Variants in LYRM4 observed in about 807,000 individuals in gnomAD.
The protein encoded by LYRM4 is LYR motif containing 4.
A neutral mutation model predicts 11.7 loss-of-function variants in LYRM4; 9 were observed. That is an observed-to-expected ratio of 0.77 (90% CI 0.46 to 1.34). The LOEUF is 1.34. LYRM4 is among the 40% of genes most tolerant of loss of function. The pLI, the probability that LYRM4 is intolerant of heterozygous loss-of-function variation, is 0.00. For missense variants in LYRM4, 133 were observed against 112.5 expected (o/e 1.18, Z -0.82); for synonymous variants, 42 against 40.4 (o/e 1.04, Z -0.15).
At chr6:5,169,498 C>T (rs1759291616) in intron 2 of LYRM4, among the ~76,000 whole-genome samples, 1 of 151,974 alleles carries the variant, frequency 6.6e-6, no homozygotes, top group Non-Finnish European at 1.5e-5. Context: ...GATAACTATA[C>T]AAGGCAAAAA....
At chr6:5,164,793 C>G (rs1198272527) in intron 2 of LYRM4, among the ~76,000 whole-genome samples, 3 of 151,948 alleles carry the variant, frequency 2.0e-5, no homozygotes, top group Non-Finnish European at 2.9e-5. Flanking sequence ...TACGGTGAAA[C>G]CCAGTCTCTA....
intron 2 of LYRM4, chr6:5,186,958 T>C: frequency 3.3e-6 from 2 of 611,240 alleles, no homozygotes; most frequent in Non-Finnish European, 4.1e-6. Flanking sequence ...CACTCCAGCC[T>C]GGGCGACAGA....
intron 2 of LYRM4, among the ~76,000 whole-genome samples, chr6:5,176,227 G>A (rs1012717452): frequency 5.3e-5 from 8 of 151,974 alleles, no homozygotes; most frequent in Non-Finnish European, 8.8e-5. Flanking sequence ...ACCATGCCTG[G>A]CTAATTTTTG....
chr6:5,073,740 C>A, the LYRM4 span, among the ~76,000 whole-genome samples: 6 of 152,042 alleles, frequency 3.9e-5, no homozygotes, highest in Non-Finnish European at 8.8e-5. Flanking sequence ...TCTTAAGACA[C>A]AACAGCTGGA....
At chr6:5,212,340 G>C (rs752625536) in intron 2 of LYRM4, among the ~76,000 whole-genome samples, 1 of 152,230 alleles carries the variant, frequency 6.6e-6, no homozygotes, top group African/African-American at 2.4e-5. Flanking sequence ...AAAGACAAAA[G>C]CAAAATCTGG....
At chr6:5,055,060 G>A in the LYRM4 span, among the ~76,000 whole-genome samples, 144 of 152,240 alleles carry the variant, frequency 9.5e-4, no homozygotes, top group Middle Eastern at 3.4e-3. The surrounding 1 kb of genome is among the most constrained non-coding windows in gnomAD (Gnocchi z 4.5). Context: ...CTATTTGGAG[G>A]CTTCATCTAC....
chr6:5,215,539 C>T (rs972949167), intron 2 of LYRM4, among the ~76,000 whole-genome samples: 2 of 152,088 alleles, frequency 1.3e-5, no homozygotes, highest in Non-Finnish European at 2.9e-5. Context: ...TAGGAGAATC[C>T]GAAATGCTAT....
At chr6:5,044,083 A>G in the LYRM4 span, among the ~76,000 whole-genome samples, 2 of 150,932 alleles carry the variant, frequency 1.3e-5, no homozygotes, top group African/African-American at 2.4e-5. Context: ...GTATACCTCA[A>G]ATTTTTTGTA....
chr6:5,108,181 C>T (rs1445417133), downstream of LYRM4: 2 of 152,254 alleles, frequency 1.3e-5, no homozygotes, highest in Non-Finnish European at 2.9e-5. Flanking sequence ...CGTACTCACT[C>T]CCATGACCGT....
chr6:5,095,569 C>T, the LYRM4 span, among the ~76,000 whole-genome samples: 1 of 152,236 alleles, frequency 6.6e-6, no homozygotes, highest in South Asian at 2.1e-4. Flanking sequence ...AGTCTGTTTA[C>T]ATATCCAGTT....
At chr6:5,057,387 GAAGACACC>G in the LYRM4 span, among the ~76,000 whole-genome samples, 2 of 152,128 alleles carry the variant, frequency 1.3e-5, no homozygotes, top group African/African-American at 4.8e-5. Context: ...GACCAGGACG[GAAGACACC>G]AAGGGACTCT....
At position 5,249,059 on chromosome 6, in the gene LYRM4, A is replaced by G. The variant is rs1764320211; in HGVS notation, c.86+11589T>C. On this transcript the variant is annotated intron_variant, in intron 1 of 2. Coordinates refer to ENST00000330636, the MANE Select transcript of LYRM4 (RefSeq NM_020408.6). ...GTGACGGTTAGCTATGAGAAATTTC[A>G]AAGATTTGGCAGCTGGACTACCAGT... 2.0e-5 allele frequency among the ~76,000 whole-genome samples: 3 copies of G among 152,240 alleles called. No individual in the cohort carries two copies. In the South Asian group the frequency reaches 6.2e-4, roughly 31 times the overall value.
At chr6:5,037,643 TCCC>T in the LYRM4 span, among the ~76,000 whole-genome samples, 1 of 24,076 alleles carries the variant, frequency 4.2e-5, no homozygotes, top group East Asian at 5.0e-3. Context: ...GGGGGGCTGA[TCCC>T]CCCACCTCCC....
At chr6:5,113,889 C>T (rs1002416201) in intron 2 of LYRM4, among the ~76,000 whole-genome samples, 13 of 152,144 alleles carry the variant, frequency 8.5e-5, no homozygotes, top group Admixed American at 5.9e-4. Context: ...CTTCATAATG[C>T]GAATTACACA....
chr6:5,180,403 T>A (rs1760000919), intron 2 of LYRM4, among the ~76,000 whole-genome samples: 1 of 152,204 alleles, frequency 6.6e-6, no homozygotes, highest in South Asian at 2.1e-4. Flanking sequence ...AGGCTCAGCA[T>A]CTATGCTAAA....
At chr6:5,188,739 G>T (rs1047224562) in intron 2 of LYRM4, among the ~76,000 whole-genome samples, 2 of 141,634 alleles carry the variant, frequency 1.4e-5, no homozygotes, top group Non-Finnish European at 3.1e-5. Flanking sequence ...TACACAGTAA[G>T]AACTTAATAA....
At chr6:5,164,511 A>G (rs2127658562) in intron 2 of LYRM4, among the ~76,000 whole-genome samples, 2 of 152,356 alleles carry the variant, frequency 1.3e-5, no homozygotes, top group Middle Eastern at 6.8e-3. Context: ...GATTCCTTTT[A>G]TAGAAGGGAA....
intron 2 of LYRM4, among the ~76,000 whole-genome samples, chr6:5,131,151 A>G (rs1356226266): frequency 6.6e-6 from 1 of 152,224 alleles, no homozygotes; most frequent in Non-Finnish European, 1.5e-5. Flanking sequence ...GGCAGAATTG[A>G]GTCTAAAACC....
At chr6:5,037,826 T>A in the LYRM4 span, among the ~76,000 whole-genome samples, 158 of 25,998 alleles carry the variant, frequency 6.1e-3, no homozygotes, top group African/African-American at 0.015. Context: ...TGACCCCCCC[T>A]CCCCCCTCCC....
Sources: allele counts gnomAD v4.1 joint callset (sites outside exome capture counted in the v4.1 genomes callset), GRCh38; gene constraint gnomAD v4.1.1; non-coding constraint Gnocchi (gnomAD v3.1); transcripts MANE v1.5; gene names NCBI Gene and HGNC (gene_info 2026-07-23, HGNC 2026-07-21).